The following TSR3 variants were observed in gnomAD, a reference collection of about 807,000 sequenced individuals.
TSR3 encodes the protein TSR3 ribosome maturation factor.
A neutral mutation model predicts 28.1 loss-of-function variants in TSR3; 31 were observed. The ratio of observed to expected loss-of-function variants is 1.10; its 90% CI spans 0.83 to 1.49. The LOEUF (loss-of-function observed/expected upper bound fraction) is 1.49. Among genes scored for constraint, TSR3 ranks in the 40% most tolerant of loss-of-function variants. The pLI, the probability that TSR3 is intolerant of heterozygous loss-of-function variation, is 0.00. For missense variants in TSR3, 511 were observed against 444.0 expected, an observed-to-expected ratio of 1.15 and a Z score of -1.36; for synonymous variants, 219 against 197.2, an observed-to-expected ratio of 1.11 and a Z score of -0.93.
intron 4 of TSR3, 23 bp downstream of exon 4, chr16:1,350,035 G>A: frequency 6.2e-7 from 1 of 1,609,502 alleles, no homozygotes; most frequent in Non-Finnish European, 8.5e-7. Flanking sequence ...GAGGGCCTTG[G>A]TTCCCACCCC....
intron 5 of TSR3, 104 bp from the exon 6 acceptor site, chr16:1,349,712 T>C: frequency 7.0e-7 from 1 of 1,428,476 alleles, no homozygotes; most frequent in Non-Finnish European, 9.4e-7. Flanking sequence ...TTCCTCTTCC[T>C]CCCTGTGCTC....
At position 1,350,989 on chromosome 16, in the gene TSR3, G is replaced by T; in HGVS notation, c.344C>A (p.Ala115Glu). The change falls in exon 3 of 6, where the codon GCG (alanine) becomes GAG (glutamate). Residue 115 changes from alanine to glutamate, a missense_variant. By Grantham distance (107) the Ala-to-Glu change is moderately radical. Transcript: ENST00000007390. ...YASPADRQLV[A>E]QSGVAVIDCS... is the part of the protein sequence containing the mutation. ...GTCGATGACGGCGACCCCAGACTGC[G>T]CCACCAGCTGTCTGCCAGGGACAGC... The T allele has an allele frequency of 6.2e-7, 1 of 1,611,664 alleles. No individual in the cohort carries two copies. Among genetic ancestry groups the T allele is most frequent in the Non-Finnish European group, 8.5e-7 (1 of 1,179,748 alleles).
At position 1,351,709 on chromosome 16, in the gene TSR3, G is replaced by C. The variant is rs2034683543; in HGVS notation, c.96C>G (p.Val32=). 2.2e-6 allele frequency: 3 copies of C among 1,373,588 alleles called. No individual in the cohort carries two copies. The East Asian group carries it at 9.3e-5, about 43-fold the overall frequency. 85.1% of individuals were successfully genotyped at this position (1,373,588 alleles called of 1,614,324 possible). The change falls in exon 1 of 6, where the codon GTC becomes GTG. Residue 32 remains valine, a synonymous_variant. Transcript: ENST00000007390. ...TRSLEAFAEE[V]GAALQASVEP... ...CTCGCTCACCCTGCAGCGCGGCGCCGACCTCCTCGGCGAAGGCCTCCAGGG... is the reference window on the plus strand; with the variant it reads ...CTCGCTCACCCTGCAGCGCGGCGCCCACCTCCTCGGCGAAGGCCTCCAGGG...
At chr16:1,350,270 G>A (rs1288542879) in intron 3 of TSR3, 36 bp from the exon 4 acceptor site, 7 of 1,557,884 alleles carry the variant, frequency 4.5e-6, no homozygotes, top group Middle Eastern at 1.8e-4. Context: ...CAAAGAAGTC[G>A]ACGGTCCCCT....
In TSR3 at chr16:1,349,351, A is replaced by G. The variant is rs143941913; in HGVS notation, c.*86T>C. 1.2e-5 allele frequency: 18 copies of G among 1,479,652 alleles called. No individual in the cohort carries two copies. The East Asian group carries it at 3.8e-4, about 32-fold the overall frequency. 91.7% of individuals were successfully genotyped at this position (1,479,652 alleles called of 1,614,324 possible). A position where few individuals can be genotyped will look rare whatever the true frequency, so the allele number is the denominator to read the frequency against. On this transcript the variant is annotated 3_prime_UTR_variant, in exon 6 of 6. Transcript: ENST00000007390. ...CTCAGTCCTGCCAGCAGCCGCAAAG[A>G]GCCGAGGCTGCCAGGCCCATTTATG...
Position 1,350,078 on chromosome 16 carries a change from C to CT in TSR3, c.682dup (p.Ser228LysfsTer35). 6.2e-7 allele frequency: 1 copy of CT among 1,608,118 alleles called. No individual in the cohort carries two copies. The highest frequency in any genetic ancestry group is 8.5e-7 in the Non-Finnish European group (1 of 1,176,310). On this transcript the variant is annotated frameshift_variant, in exon 4 of 6. Transcript: ENST00000007390. LOFTEE classifies it high-confidence loss of function. ...CTCACCGATCTCCTCCTCCTGGGGG[C>CT]TCTCCTTGGCATTGGCCAAGAACTC...
rs541360463 is a variant in TSR3, at chr16:1,350,738, C to A, written c.526+69G>T. ...CCTCCTGGGGTCTGTCGGCAGGAAA[C>A]ATGATGCTGGGAGCATAGCAGGAAC... On this transcript the variant is annotated intron_variant, in intron 3 of 5. Coordinates refer to ENST00000007390, the MANE Select transcript of TSR3 (RefSeq NM_001001410.3). 8.5e-6 allele frequency: 13 copies of A among 1,535,400 alleles called. No homozygotes were observed. The East Asian group carries it at 2.9e-4, about 35-fold the overall frequency.
intron 5 of TSR3, 45 bp downstream of exon 5, chr16:1,349,844 G>A (rs773573593): frequency 6.2e-7 from 1 of 1,607,398 alleles, no homozygotes; most frequent in Non-Finnish European, 8.5e-7. Flanking sequence ...AGGTAGAAGA[G>A]AGCCCTGGGT....
Position 1,349,489 on chromosome 16 carries a change from G to A in TSR3, c.887C>T (p.Ala296Val). 1 of 1,613,700 alleles carries A rather than the reference G, an allele frequency of 6.2e-7. No homozygotes were observed. The highest frequency in any genetic ancestry group is 1.1e-5 in the South Asian group (1 of 91,068). ...TTTCCAAACCTCAGCCGGGGCCCTG[G>A]CCTCAGCCCCCCGTCCCTGCGTCTG... ...EEQTQGRGAE[A>V]RAPAEVWKGI... The change falls in exon 6 of 6, where the codon GCC (alanine) becomes GTC (valine). Residue 296 changes from alanine (A) to valine (V), a missense_variant. By Grantham distance (64) the Ala-to-Val change is moderately conservative (BLOSUM62 0). Transcript: ENST00000007390.
intron 3 of TSR3, among the ~76,000 whole-genome samples, chr16:1,350,552 C>A (rs1567178594): frequency 6.6e-6 from 1 of 152,124 alleles, no homozygotes; most frequent in African/African-American, 2.4e-5. Flanking sequence ...ATTCTCTGGG[C>A]AGTGGTGCCC....
At chr16:1,350,019 G>A (rs995829433) in intron 4 of TSR3, 39 bp downstream of exon 4, 2 of 1,610,204 alleles carry the variant, frequency 1.2e-6, no homozygotes, top group African/African-American at 2.7e-5. Context: ...CACCCCCCAG[G>A]CTTTGGAGGG....
chr16:1,350,224 G>T lies in TSR3; in HGVS notation c.537C>A (p.Asp179Glu). Residue 179 changes from aspartate to glutamate, a missense_variant, in exon 4 of 6, where the codon GAC becomes GAA. Physicochemically the swap from Asp to Glu is conservative, Grantham distance 45. Transcript: ENST00000007390. ...AATFCIVGFP[D>E]LAVILLRKFK... ...ACTTCCGCAGCAAAATGACAGCAAG[G>T]TCTGGAAAGCCTGACGGTGTGAGAA... 1 of 1,596,262 alleles carries T rather than the reference G, an allele frequency of 6.3e-7. No individual in the cohort carries two copies. Among genetic ancestry groups the T allele is most frequent in the Non-Finnish European group, 8.5e-7 (1 of 1,176,600 alleles).
chr16:1,351,315 C>CGTTT, intron 2 of TSR3, 64 bp downstream of exon 2: 1 of 1,491,300 alleles, frequency 6.7e-7, no homozygotes, highest in South Asian at 1.3e-5. Context: ...TGCCACTAAA[C>CGTTT]CATCCCTGAA....
At position 1,350,128 on chromosome 16, in the gene TSR3, C is replaced by T. The variant is rs558014633; in HGVS notation, c.633G>A (p.Pro211=). 2.2e-5 allele frequency: 36 copies of T among 1,612,156 alleles called. No homozygotes were observed. Among genetic ancestry groups the T allele is most frequent in the East Asian group, 4.5e-5 (2 of 44,856 alleles). The change falls in exon 4 of 6, where the codon CCG becomes CCA. Residue 211 remains proline, a synonymous_variant. Coordinates refer to ENST00000007390, the MANE Select transcript of TSR3 (RefSeq NM_001001410.3). ...CCTGCTCCGCCTGCAGCACCTCCTC[C>T]GGGCTGCCGCAGGCCGCGTACTTGT... The part of the protein sequence containing the change: ...LLDKYAACGS[P]EEVLQAEQEF...
rs1254257889 is a variant in TSR3, at chr16:1,349,594, G to A, written c.782C>T (p.Thr261Ile). 2 of 1,601,306 alleles carry A rather than the reference G, an allele frequency of 1.2e-6. No homozygotes were observed. Among genetic ancestry groups the A allele is most frequent in the Admixed American group, 1.7e-5 (1 of 58,160 alleles). ...GTCCTCAGACGCATCACTGTCATCA[G>A]TGTCCGAGGGCAGCCTGGGAGAGGA... ...PVASTRLPSDTDDSDASEDPG... is the reference protein window; with the variant it reads ...PVASTRLPSDIDDSDASEDPG... The change falls in exon 6 of 6, where the codon ACT (threonine) becomes ATT (isoleucine). Residue 261 changes from threonine to isoleucine, a missense_variant. By Grantham distance (89) the Thr-to-Ile change is moderately conservative. Transcript: ENST00000007390.
At position 1,350,307 on chromosome 16, in the gene TSR3, C is replaced by T. The variant is rs535217640; in HGVS notation, c.527-73G>A. On this transcript the variant is annotated intron_variant, in intron 3 of 5. Transcript: ENST00000007390. ...AAGTGCCTCCTGATCACCCTGCTGC[C>T]GGATGGCGGCGCTCTCCCAAGTAAC... 9.6e-5 allele frequency: 141 copies of T among 1,463,978 alleles called. 1 individual carries two copies. The South Asian group carries it at 1.7e-3, about 18-fold the overall frequency. 90.7% of individuals were successfully genotyped at this position (1,463,978 alleles called of 1,614,324 possible).
At chr16:1,351,083 A>G (rs927562092) in intron 2 of TSR3, 83 bp from the exon 3 acceptor site, 1 of 1,399,890 alleles carries the variant, frequency 7.1e-7, no homozygotes, top group Non-Finnish European at 9.8e-7. Flanking sequence ...TAGCTAAGGG[A>G]TTCAGGGACA....
chr16:1,351,084 T>G, intron 2 of TSR3, 84 bp from the exon 3 acceptor site: 1 of 1,403,144 alleles, frequency 7.1e-7, no homozygotes, highest in African/African-American at 1.4e-5. Flanking sequence ...AGCTAAGGGA[T>G]TCAGGGACAT....
intron 3 of TSR3, 80 bp from the exon 4 acceptor site, chr16:1,350,314 C>T (rs927645023): frequency 2.0e-5 from 29 of 1,441,090 alleles, no homozygotes; most frequent in African/African-American, 5.7e-5. Context: ...TGCCGGATGG[C>T]GGCGCTCTCC....
Sources: gnomAD v4.1 joint callset for allele counts (sites outside exome capture counted in the v4.1 genomes callset) on GRCh38, gnomAD v4.1.1 for gene constraint, MANE v1.5 for transcripts, NCBI Gene and HGNC (gene_info 2026-07-23, HGNC 2026-07-21) for gene names.